The following AP3D1 variants were observed in gnomAD, a reference collection of about 807,000 sequenced individuals.
AP3D1 encodes adaptor related protein complex 3 subunit delta 1, also known as AP-3 complex subunit delta-1.
In AP3D1, 51 loss-of-function variants were observed where a neutral mutation model predicts 147.6. The observed-to-expected ratio is 0.35, with a 90% CI of 0.28 to 0.44. AP3D1 has a LOEUF of 0.44. Among genes scored for constraint, AP3D1 ranks in the 20% least tolerant of loss-of-function variants. The pLI, the probability that AP3D1 is intolerant of heterozygous loss-of-function variation, is 1.00. For missense variants in AP3D1, 1,421 were observed against 1,624.2 expected (o/e 0.87, Z 2.15); for synonymous variants, 760 against 663.0 (o/e 1.15, Z -2.25).
Position 2,145,934 on chromosome 19 carries a change from C to A in AP3D1, c.96+5305G>T, listed in dbSNP as rs374860724. ...CTCATAAGCAGGGCAGCTGACACTA[C>A]AGCTGCACCCCCCAAACACCCCAGC... On this transcript the variant is annotated intron_variant, in intron 1 of 31. Coordinates refer to ENST00000643116, the MANE Select transcript of AP3D1 (RefSeq NM_001261826.3). Among the ~76,000 whole-genome samples, 129 of 152,384 alleles carry A rather than the reference C, an allele frequency of 8.5e-4. No individual in the cohort carries two copies. The Middle Eastern group carries it at 0.014, about 16-fold the overall frequency.
At chr19:2,164,360 C>A (rs1046179091) in exon 1 of AP3D1, 6 of 828,852 alleles carry the variant, frequency 7.2e-6, no homozygotes, top group African/African-American at 1.8e-5. Flanking sequence ...GCTCACCGGT[C>A]CCCCCTGCGG....
At chr19:2,117,026 TC>T in intron 16 of AP3D1, 195 bp downstream of exon 16, 1 of 832,760 alleles carries the variant, frequency 1.2e-6, no homozygotes, top group South Asian at 2.0e-5. Flanking sequence ...GCAGGGAGCA[TC>T]CCCAGGCAGA....
chr19:2,117,592 A>G (rs2018494674), intron 15 of AP3D1, among the ~76,000 whole-genome samples: 1 of 152,236 alleles, frequency 6.6e-6, no homozygotes, highest in Admixed American at 6.5e-5. Flanking sequence ...TGGGGGCACA[A>G]CAGGGAGCTT....
At chr19:2,157,430 A>G in intron 1 of AP3D1, among the ~76,000 whole-genome samples, 1 of 117,086 alleles carries the variant, frequency 8.5e-6, no homozygotes, top group African/African-American at 3.7e-5. Flanking sequence ...CGACAGAGCG[A>G]GACTCCGTCT....
At chr19:2,119,601 C>G (rs1419470089) in intron 14 of AP3D1, among the ~76,000 whole-genome samples, 1 of 147,466 alleles carries the variant, frequency 6.8e-6, no homozygotes, top group South Asian at 2.1e-4. Flanking sequence ...GAGGCTGAGG[C>G]AGGAGAATGG....
Position 2,102,091 on chromosome 19 carries a change from G to T in AP3D1, c.*82C>A, listed in dbSNP as rs1163896225. ...ACTCAGGCTTGGGTACAGTACACAC[G>T]ACTGAGGAGAGGCGAGACACGTCAG... On this transcript the variant is annotated 3_prime_UTR_variant, in exon 32 of 32. Transcript: ENST00000643116. 5 of 1,104,458 alleles carry T rather than the reference G, an allele frequency of 4.5e-6. No individual in the cohort carries two copies. The highest frequency in any genetic ancestry group is 3.8e-5 in the South Asian group (3 of 78,284). The allele number at this position is 1,104,458 out of a possible 1,614,324, so 68.4% of individuals were successfully genotyped here.
intron 1 of AP3D1, among the ~76,000 whole-genome samples, chr19:2,148,534 A>C (rs1353565070): frequency 2.6e-5 from 4 of 152,220 alleles, no homozygotes; most frequent in African/African-American, 9.6e-5. Context: ...TCACAGCCTG[A>C]GGACTGGAAA....
chr19:2,111,526 C>A, intron 25 of AP3D1, 153 bp downstream of exon 25: 1 of 1,246,616 alleles, frequency 8.0e-7, no homozygotes, highest in Non-Finnish European at 1.1e-6. Context: ...TAATGTGGGG[C>A]TGCGGGCCAG....
rs1283293841 is a variant in AP3D1 at position 2,129,360 on chromosome 19, C to T, written c.690G>A (p.Thr230=). 9 of 1,613,916 alleles carry T rather than the reference C, an allele frequency of 5.6e-6. No individual in the cohort carries two copies. Among genetic ancestry groups the T allele is most frequent in the African/African-American group, 2.7e-5 (2 of 74,924 alleles). The change falls in exon 7 of 32, where the codon ACG becomes ACA. Residue 230 remains threonine, a synonymous_variant. Transcript: ENST00000643116. ...SLAPLFFKLM[T]SSTNNWVLIK... The stretch of plus-strand genomic sequence containing the variant: ...TGAGGACCCAGTTGTTGGTGGAGGA[C>T]GTCATCAGCTTGAAAAAGAGCGGGG...
chr19:2,128,551 A>C (rs2385818), intron 8 of AP3D1, among the ~76,000 whole-genome samples: 2 of 79,522 alleles, frequency 2.5e-5, no homozygotes, highest in Non-Finnish European at 4.7e-5. Flanking sequence ...GGCCCGCCCC[A>C]CAGCTCCGAC....
chr19:2,107,407 T>C lies in AP3D1; in HGVS notation c.3552+1280A>G, dbSNP rs147337520. ...TCCTCAGTATGCTCCCAGAGGGCAC[T>C]GGAACCAAACCGGACATCAAGAAAA... On this transcript the variant is annotated intron_variant, in intron 31 of 31. Transcript: ENST00000643116. 5.3e-3 allele frequency among the ~76,000 whole-genome samples: 806 copies of C among 152,166 alleles called. 13 individuals carry two copies. The highest frequency in any genetic ancestry group is 0.042 in the Admixed American group (641 of 15,278).
chr19:2,114,026 A>G, intron 22 of AP3D1, 99 bp downstream of exon 22: 1 of 1,466,838 alleles, frequency 6.8e-7, no homozygotes, highest in Middle Eastern at 2.4e-4. Flanking sequence ...TGCCTGACTC[A>G]GACTCACAGC....
At chr19:2,123,298 C>G in intron 11 of AP3D1, 60 bp downstream of exon 11, 2 of 1,535,656 alleles carry the variant, frequency 1.3e-6, no homozygotes, top group East Asian at 2.2e-5. Flanking sequence ...ACTAGGAGGA[C>G]CCCTAACTTC....
intron 31 of AP3D1, among the ~76,000 whole-genome samples, chr19:2,107,176 C>T (rs2018133445): frequency 6.6e-6 from 1 of 151,040 alleles, no homozygotes; most frequent in Non-Finnish European, 1.5e-5. Context: ...GGCAGAATGG[C>T]ATGAGCCCGG....
chr19:2,105,249 C>A lies in AP3D1; in HGVS notation c.3553-2981G>T, dbSNP rs547297690. ...GTGTTGGGAGCAGGCCCCCCAAAAT[C>A]TGGCCATAAACTGACCCCAAAACTG... On this transcript the variant is annotated intron_variant, in intron 31 of 31. Transcript: ENST00000643116. Among the ~76,000 whole-genome samples, 31 of 152,294 alleles carry A rather than the reference C, an allele frequency of 2.0e-4. No individual in the cohort carries two copies. In the East Asian group the frequency reaches 4.8e-3, roughly 24 times the overall value.
rs1371092954 is a variant in AP3D1 at position 2,114,195 on chromosome 19, G to C, written c.2531C>G (p.Pro844Arg). ...TTTGTGTTTTTTCTCTTTCTTCTTG[G>C]GTTTCTTGCTCTTCTTTTCTACCAT... ...VPMVEKKSKK[P>R]KKKEKKHKEK... Residue 844 changes from proline (P) to arginine (R), a missense_variant, in exon 22 of 32, where the codon CCC (proline) becomes CGC (arginine). By Grantham distance (103) the Pro-to-Arg change is moderately radical. Transcript: ENST00000643116. 1 of 1,607,928 alleles carries C rather than the reference G, an allele frequency of 6.2e-7. No homozygotes were observed. Among genetic ancestry groups the C allele is most frequent in the Admixed American group, 1.7e-5 (1 of 58,944 alleles).
intron 15 of AP3D1, among the ~76,000 whole-genome samples, chr19:2,117,895 C>T (rs1462726755): frequency 2.0e-5 from 3 of 152,236 alleles, no homozygotes; most frequent in African/African-American, 7.2e-5. Context: ...TGCGATGGTT[C>T]ACACCCGTAA....
In AP3D1 at chr19:2,136,829, G is replaced by A. The variant is rs1489228521; in HGVS notation, c.354+182C>T. Among the ~76,000 whole-genome samples the A allele has an allele frequency of 2.0e-5, 3 of 152,182 alleles. No homozygotes were observed. The South Asian group carries it at 6.2e-4, about 32-fold the overall frequency. On this transcript the variant is annotated intron_variant, in intron 4 of 31. Coordinates refer to ENST00000643116, the MANE Select transcript of AP3D1 (RefSeq NM_001261826.3). ...CTCACAAGCCCACCAGGGAGCGCAG[G>A]CTCAGACCCGCCGGGCCTCCTCTCT...
At chr19:2,159,154 T>A (rs2019673410) in intron 1 of AP3D1, among the ~76,000 whole-genome samples, 1 of 151,794 alleles carries the variant, frequency 6.6e-6, no homozygotes, top group Non-Finnish European at 1.5e-5. Flanking sequence ...CAGGCCAGGC[T>A]AATTTTTTTA....
Sources: allele counts gnomAD v4.1 joint callset (sites outside exome capture counted in the v4.1 genomes callset), GRCh38; gene constraint gnomAD v4.1.1; transcripts MANE v1.5; gene names NCBI Gene and HGNC (gene_info 2026-07-23, HGNC 2026-07-21).